CSMD1: variants seen among roughly 807,000 people sequenced by gnomAD.
CSMD1 encodes CUB and Sushi multiple domains 1, also known as CUB and sushi domain-containing protein 1.
CSMD1 carries 213 observed loss-of-function variants against 417.5 expected under a neutral mutation model. The ratio of observed to expected loss-of-function variants is 0.51; its 90% CI spans 0.46 to 0.57. The LOEUF is 0.57. CSMD1 is among the 20% of genes least tolerant of loss of function. CSMD1 has a pLI of 0.00. For synonymous variants in CSMD1, 2,862 were observed against 1,736.8 expected (o/e 1.65, Z -16.11); for missense variants, 6,923 against 4,529.7 (o/e 1.53, Z -15.17).
At chr8:4,358,735 G>C (rs1278334128) in intron 3 of CSMD1, among the ~76,000 whole-genome samples, 2 of 149,768 alleles carry the variant, frequency 1.3e-5, no homozygotes. Flanking sequence ...TATCTCTCAA[G>C]ATAAGTGTAT....
intron 54 of CSMD1, among the ~76,000 whole-genome samples, chr8:2,995,437 T>A (rs1218943242): frequency 1.3e-5 from 2 of 152,138 alleles, no homozygotes; most frequent in Admixed American, 1.3e-4. Flanking sequence ...CGCCCACACA[T>A]GTTGGGTAGG....
chr8:3,117,336 G>T (rs1009011048), intron 42 of CSMD1, among the ~76,000 whole-genome samples: 3 of 152,160 alleles, frequency 2.0e-5, no homozygotes, highest in African/African-American at 7.2e-5. Context: ...CTCCCAAAGT[G>T]TGTTTGTAGT....
intron 41 of CSMD1, among the ~76,000 whole-genome samples, chr8:3,132,002 A>G (rs961864475): frequency 5.3e-5 from 8 of 152,118 alleles, no homozygotes; most frequent in Non-Finnish European, 1.2e-4. Flanking sequence ...CCATCACTCC[A>G]CTGGCTCATG....
At chr8:4,154,136 A>G (rs1484717936) in intron 3 of CSMD1, among the ~76,000 whole-genome samples, 2 of 152,200 alleles carry the variant, frequency 1.3e-5, no homozygotes, top group African/African-American at 4.8e-5. Flanking sequence ...GCGACAGCTG[A>G]GGGTGAGATA....
At chr8:2,962,661 A>G (rs1563184408) in intron 60 of CSMD1, 22 bp from the exon 61 acceptor site, 2 of 1,609,374 alleles carry the variant, frequency 1.2e-6, no homozygotes, top group Non-Finnish European at 8.5e-7. Flanking sequence ...AACCAGGAAG[A>G]AGTCAGCCTT....
intron 1 of CSMD1, among the ~76,000 whole-genome samples, chr8:4,862,301 T>A (rs1355916111): frequency 6.6e-6 from 1 of 152,024 alleles, no homozygotes; most frequent in Non-Finnish European, 1.5e-5. Context: ...TCAATGTCCA[T>A]CATCAGAACC....
At chr8:3,879,505 T>C (rs1420278268) in intron 5 of CSMD1, among the ~76,000 whole-genome samples, 1 of 152,186 alleles carries the variant, frequency 6.6e-6, no homozygotes, top group African/African-American at 2.4e-5. Flanking sequence ...CAAGTTACCG[T>C]GAGAGCAAGG....
At chr8:4,310,959 C>T (rs187370861) in intron 3 of CSMD1, among the ~76,000 whole-genome samples, 2 of 152,190 alleles carry the variant, frequency 1.3e-5, no homozygotes, top group Non-Finnish European at 2.9e-5. Context: ...GAGATACTAT[C>T]TCCTACCAGT....
intron 5 of CSMD1, among the ~76,000 whole-genome samples, chr8:3,970,760 G>C (rs145997364): frequency 8.6e-5 from 13 of 151,770 alleles, no homozygotes; most frequent in Admixed American, 4.6e-4. Context: ...TTGTTTTTTT[G>C]TTTTTGTTTT....
chr8:4,977,916 G>T (rs1181418264), intron 1 of CSMD1, among the ~76,000 whole-genome samples: 1 of 152,212 alleles, frequency 6.6e-6, no homozygotes, highest in East Asian at 1.9e-4. Flanking sequence ...ATTCGAAGGT[G>T]TCCAATACCC....
At chr8:4,982,313 C>A (rs532553659) in intron 1 of CSMD1, among the ~76,000 whole-genome samples, 2 of 152,318 alleles carry the variant, frequency 1.3e-5, no homozygotes, top group South Asian at 4.1e-4. Flanking sequence ...ATTGCTCCCC[C>A]AATCTGTCCT....
chr8:4,329,314 A>C (rs1199543482), intron 3 of CSMD1, among the ~76,000 whole-genome samples: 2 of 152,150 alleles, frequency 1.3e-5, no homozygotes, highest in Non-Finnish European at 2.9e-5. Flanking sequence ...TTTGAGATGG[A>C]GTCTTGCTAT....
intron 2 of CSMD1, among the ~76,000 whole-genome samples, chr8:4,508,754 A>C (rs1008835414): frequency 4.6e-5 from 7 of 152,142 alleles, no homozygotes; most frequent in Admixed American, 2.0e-4. Context: ...AAAGATGTAA[A>C]ACACTCATAA....
chr8:3,345,491 A>C (rs191142062), intron 22 of CSMD1, among the ~76,000 whole-genome samples: 87 of 152,278 alleles, frequency 5.7e-4, no homozygotes, highest in African/African-American at 2.0e-3. Context: ...ACTGATCACA[A>C]ATAAAAACCC....
chr8:3,242,865 C>T lies in CSMD1; in HGVS notation c.4154-12634G>A, dbSNP rs141063208. 4.5e-3 allele frequency among the ~76,000 whole-genome samples: 681 copies of T among 151,816 alleles called. 1 individual carries two copies. Among genetic ancestry groups the T allele is most frequent in the South Asian group, 7.3e-3 (35 of 4,800 alleles). On this transcript the variant is annotated intron_variant, in intron 26 of 69. Transcript: ENST00000635120. ...AGGTCAGGGCGCAGAAATAAGGGAT[C>T]GGGGTACAGAGATAAGAGGTTGGGG...
At chr8:3,953,067 G>C (rs972435600) in intron 5 of CSMD1, among the ~76,000 whole-genome samples, 4 of 151,812 alleles carry the variant, frequency 2.6e-5, no homozygotes, top group East Asian at 1.9e-4. Flanking sequence ...GAACAGAAAA[G>C]AAACAGTATT....
At chr8:3,410,301 C>T (rs931361300) in intron 12 of CSMD1, among the ~76,000 whole-genome samples, 7 of 152,026 alleles carry the variant, frequency 4.6e-5, no homozygotes, top group Admixed American at 1.3e-4. Context: ...TGTGTCAGGT[C>T]CTGTTCTAGG....
At chr8:3,297,201 C>T (rs1380051345) in intron 25 of CSMD1, among the ~76,000 whole-genome samples, 1 of 152,058 alleles carries the variant, frequency 6.6e-6, no homozygotes, top group Admixed American at 6.6e-5. Flanking sequence ...GAGAGGTATA[C>T]AATATCAAGG....
chr8:4,259,895 G>T (rs183514146), intron 3 of CSMD1, among the ~76,000 whole-genome samples: 2 of 151,986 alleles, frequency 1.3e-5, no homozygotes, highest in East Asian at 3.9e-4. Flanking sequence ...TTTTGCTACC[G>T]CATAGTCTCT....
Sources: allele counts gnomAD v4.1 joint callset (sites outside exome capture counted in the v4.1 genomes callset), GRCh38; gene constraint gnomAD v4.1.1; transcripts MANE v1.5; gene names NCBI Gene and HGNC (gene_info 2026-07-23, HGNC 2026-07-21).